RAB38: variants seen among roughly 807,000 people sequenced by gnomAD.
RAB38 encodes ras-related protein Rab-38.
In RAB38, 15 loss-of-function variants were observed where a neutral mutation model predicts 18.4. The ratio of observed to expected loss-of-function variants is 0.82; its 90% CI spans 0.55 to 1.26. The LOEUF (loss-of-function observed/expected upper bound fraction) is 1.26, where lower values mean the gene tolerates loss of function less well. Ranked by LOEUF, RAB38 falls within the 50% of genes most tolerant of loss-of-function variation. RAB38 has a pLI of 0.00. For synonymous variants in RAB38, 101 were observed against 104.4 expected (o/e 0.97, Z 0.20); for missense variants, 294 against 267.4 (o/e 1.10, Z -0.69).
At chr11:87,963,041 C>A in the RAB38 span, among the ~76,000 whole-genome samples, 1 of 152,024 alleles carries the variant, frequency 6.6e-6, no homozygotes, top group Non-Finnish European at 1.5e-5. Context: ...TGATAAAATG[C>A]AGAGCTATTT....
chr11:88,045,159 T>G, the RAB38 span, among the ~76,000 whole-genome samples: 1 of 152,048 alleles, frequency 6.6e-6, no homozygotes, highest in East Asian at 1.9e-4. Flanking sequence ...CCCTGAAAGG[T>G]CAGAAGGCCG....
At chr11:88,032,982 G>A in the RAB38 span, among the ~76,000 whole-genome samples, 3 of 152,262 alleles carry the variant, frequency 2.0e-5, no homozygotes, top group East Asian at 3.9e-4. Flanking sequence ...CAATCCAAAT[G>A]TCCAACAATG....
At chr11:87,906,189 C>T in the RAB38 span, among the ~76,000 whole-genome samples, 2 of 152,044 alleles carry the variant, frequency 1.3e-5, no homozygotes, top group Admixed American at 1.3e-4. Context: ...ATGTGAGAAT[C>T]AGGAGTCCTC....
the RAB38 span, among the ~76,000 whole-genome samples, chr11:87,809,006 A>G: frequency 2.6e-5 from 4 of 152,158 alleles, no homozygotes; most frequent in South Asian, 2.1e-4. Context: ...AAGAATTGGA[A>G]TTGCCAAAAG....
At chr11:88,105,374 T>A in the RAB38 span, among the ~76,000 whole-genome samples, 1 of 152,158 alleles carries the variant, frequency 6.6e-6, no homozygotes, top group Non-Finnish European at 1.5e-5. Flanking sequence ...AAGCTGCCAA[T>A]ACCTATACAA....
chr11:87,969,085 CTT>C, the RAB38 span, among the ~76,000 whole-genome samples: 1 of 152,122 alleles, frequency 6.6e-6, no homozygotes, highest in African/African-American at 2.4e-5. Context: ...TTGACTCACT[CTT>C]GATCTTTTTC....
chr11:88,083,424 C>T, the RAB38 span, among the ~76,000 whole-genome samples: 1 of 151,810 alleles, frequency 6.6e-6, no homozygotes, highest in Non-Finnish European at 1.5e-5. Context: ...TAACTGGTAG[C>T]ATGCTTTATG....
the RAB38 span, among the ~76,000 whole-genome samples, chr11:88,107,559 C>CAAAAA: frequency 6.6e-6 from 1 of 150,856 alleles, no homozygotes. Flanking sequence ...TTAATCTTTT[C>CAAAAA]AAAAAAAAAA....
At chr11:88,076,665 A>G in the RAB38 span, among the ~76,000 whole-genome samples, 1 of 152,054 alleles carries the variant, frequency 6.6e-6, no homozygotes, top group African/African-American at 2.4e-5. Flanking sequence ...AGCTATAAAG[A>G]ATATAGGCTG....
the RAB38 span, among the ~76,000 whole-genome samples, chr11:87,905,558 G>T: frequency 2.6e-5 from 4 of 151,698 alleles, no homozygotes; most frequent in Admixed American, 2.6e-4. Flanking sequence ...ATTACATTTG[G>T]ACTAGAGTAG....
At position 88,134,732 on chromosome 11, in the gene RAB38, C is replaced by G. The variant is rs12574426; in HGVS notation, c.483+14943G>C. ...ATATTGCAATAGCATCCCAGCTGAT[C>G]TGCTTCCAACCTTTCTCACTATAAT... On this transcript the variant is annotated intron_variant, in intron 2 of 2. Transcript: ENST00000243662. Among the ~76,000 whole-genome samples the G allele has an allele frequency of 7.1e-4, 108 of 152,354 alleles. No individual in the cohort carries two copies. The East Asian group carries it at 0.02, about 29-fold the overall frequency.
At chr11:87,900,482 G>C in the RAB38 span, among the ~76,000 whole-genome samples, 1 of 151,650 alleles carries the variant, frequency 6.6e-6, no homozygotes, top group Non-Finnish European at 1.5e-5. Context: ...CAAAGTATTT[G>C]GCAAGCAAAT....
chr11:87,838,946 C>T, the RAB38 span, among the ~76,000 whole-genome samples: 2 of 152,294 alleles, frequency 1.3e-5, no homozygotes, highest in East Asian at 3.9e-4. Context: ...GTTCAAACTT[C>T]CTCAGCCAGT....
the RAB38 span, among the ~76,000 whole-genome samples, chr11:87,818,022 A>G: frequency 6.6e-6 from 1 of 152,184 alleles, no homozygotes; most frequent in Admixed American, 6.5e-5. Flanking sequence ...CTTGTGTAAA[A>G]CTAGGAAAGA....
chr11:88,089,518 C>T, the RAB38 span, among the ~76,000 whole-genome samples: 1 of 151,856 alleles, frequency 6.6e-6, no homozygotes, highest in African/African-American at 2.4e-5. Flanking sequence ...ACCAAATGAC[C>T]CTGAAACTGA....
At chr11:87,890,156 A>G in the RAB38 span, among the ~76,000 whole-genome samples, 1 of 151,906 alleles carries the variant, frequency 6.6e-6, no homozygotes, top group African/African-American at 2.4e-5. Flanking sequence ...TATAAAACTA[A>G]TAAAATCTGA....
At chr11:87,853,468 C>T in the RAB38 span, among the ~76,000 whole-genome samples, 37 of 152,162 alleles carry the variant, frequency 2.4e-4, no homozygotes, top group African/African-American at 2.4e-4. Flanking sequence ...AATGTGCTGG[C>T]GCCTTGGTCT....
At chr11:88,135,663 A>T (rs540206511) in intron 2 of RAB38, among the ~76,000 whole-genome samples, 1 of 152,350 alleles carries the variant, frequency 6.6e-6, no homozygotes, top group African/African-American at 2.4e-5. Flanking sequence ...GAAACACAAA[A>T]TCTAAACTTA....
the RAB38 span, among the ~76,000 whole-genome samples, chr11:87,850,135 C>T: frequency 4.6e-5 from 7 of 152,124 alleles, no homozygotes; most frequent in Non-Finnish European, 1.0e-4. Context: ...ACTCACTCAA[C>T]CTATCAGTTT....
Sources: allele counts gnomAD v4.1 joint callset (sites outside exome capture counted in the v4.1 genomes callset), GRCh38; gene constraint gnomAD v4.1.1; transcripts MANE v1.5; gene names NCBI Gene and HGNC (gene_info 2026-07-23, HGNC 2026-07-21).